Variants in GPC6 observed in about 807,000 individuals in gnomAD.
GPC6 encodes the protein glypican-6.
GPC6 carries 14 observed loss-of-function variants against 55.2 expected under a neutral mutation model. The observed-to-expected ratio is 0.25, with a 90% CI of 0.17 to 0.40. The LOEUF (loss-of-function observed/expected upper bound fraction) is 0.40, where lower values mean the gene tolerates loss of function less well. Among genes scored for constraint, GPC6 ranks in the 10% least tolerant of loss-of-function variants. GPC6 has a pLI of 1.00. For missense variants in GPC6, 641 were observed against 708.5 expected, an observed-to-expected ratio of 0.90 and a Z score of 1.08; for synonymous variants, 278 against 259.6, an observed-to-expected ratio of 1.07 and a Z score of -0.68.
intron 1 of GPC6, among the ~76,000 whole-genome samples, chr13:93,313,508 T>A (rs1317987532): frequency 6.6e-6 from 1 of 152,192 alleles, no homozygotes; most frequent in African/African-American, 2.4e-5. Flanking sequence ...GTGTTCATTT[T>A]AAATATGCTT....
intron 3 of GPC6, among the ~76,000 whole-genome samples, chr13:93,982,828 T>C (rs911521695): frequency 1.3e-5 from 2 of 152,278 alleles, no homozygotes; most frequent in Non-Finnish European, 2.9e-5. Context: ...CCTTTCTGTT[T>C]CTAGGGTCAG....
chr13:93,655,798 G>A (rs977685332), intron 2 of GPC6, among the ~76,000 whole-genome samples: 10 of 152,068 alleles, frequency 6.6e-5, no homozygotes, highest in Non-Finnish European at 1.5e-5. Flanking sequence ...AATGAAATAG[G>A]GAACTTGGCT....
chr13:93,912,612 G>A (rs192761716), intron 3 of GPC6, among the ~76,000 whole-genome samples: 176 of 152,188 alleles, frequency 1.2e-3, no homozygotes, highest in Admixed American at 1.8e-3. Flanking sequence ...GTGTGGTGGC[G>A]GGCGCCTGTA....
intron 4 of GPC6, among the ~76,000 whole-genome samples, chr13:94,272,731 G>A (rs546077440): frequency 1.3e-5 from 2 of 152,184 alleles, no homozygotes; most frequent in Admixed American, 6.5e-5. Context: ...GCCTCCCAAA[G>A]TGCTGGGATT....
intron 8 of GPC6, among the ~76,000 whole-genome samples, chr13:94,401,963 T>A (rs1411226526): frequency 6.6e-6 from 1 of 152,056 alleles, no homozygotes; most frequent in Non-Finnish European, 1.5e-5. Flanking sequence ...GATAGATAGA[T>A]AGATAGATAA....
intron 3 of GPC6, among the ~76,000 whole-genome samples, chr13:94,021,968 A>G (rs575344932): frequency 6.6e-6 from 1 of 152,028 alleles, no homozygotes; most frequent in South Asian, 2.1e-4. Context: ...TTCAAAATAA[A>G]TTTTACTGTG....
At chr13:94,309,950 A>G (rs1413551089) in intron 6 of GPC6, among the ~76,000 whole-genome samples, 4 of 152,160 alleles carry the variant, frequency 2.6e-5, no homozygotes, top group Admixed American at 2.0e-4. Context: ...TTTATTCTTA[A>G]ATGTGTACTC....
At chr13:93,355,242 A>C (rs1034607785) in intron 1 of GPC6, among the ~76,000 whole-genome samples, 3 of 152,230 alleles carry the variant, frequency 2.0e-5, no homozygotes, top group Admixed American at 6.5e-5. Context: ...TCGGGGGATA[A>C]ATAGCCATTT....
intron 3 of GPC6, among the ~76,000 whole-genome samples, chr13:93,979,317 G>T (rs201508490): frequency 1.5e-3 from 194 of 131,914 alleles, no homozygotes; most frequent in African/African-American, 5.8e-3. Context: ...GTGTGTGTGT[G>T]TTTGTGTGTG....
chr13:93,221,550 T>G, the GPC6 span, among the ~76,000 whole-genome samples: 1 of 152,186 alleles, frequency 6.6e-6, no homozygotes, highest in Non-Finnish European at 1.5e-5. Flanking sequence ...AGATATAATT[T>G]TAATTGGTTT....
At chr13:94,157,718 A>G (rs1022405397) in intron 4 of GPC6, among the ~76,000 whole-genome samples, 3 of 152,120 alleles carry the variant, frequency 2.0e-5, no homozygotes, top group Non-Finnish European at 1.5e-5. Flanking sequence ...TGACTTGGGA[A>G]GTTCCCCCTA....
At chr13:94,094,927 A>G (rs1180652467) in intron 4 of GPC6, among the ~76,000 whole-genome samples, 1 of 152,134 alleles carries the variant, frequency 6.6e-6, no homozygotes, top group Admixed American at 6.5e-5. Context: ...TGTTTTTAGT[A>G]TGTCGTAAAT....
At chr13:94,250,498 T>C (rs769085928) in intron 4 of GPC6, among the ~76,000 whole-genome samples, 2 of 152,302 alleles carry the variant, frequency 1.3e-5, no homozygotes, top group Non-Finnish European at 2.9e-5. Context: ...ATGCATGTCT[T>C]TAGCAATTAT....
chr13:93,219,512 AC>A, the GPC6 span, among the ~76,000 whole-genome samples: 5,485 of 152,308 alleles, frequency 0.036, 133 homozygotes, highest in Non-Finnish European at 0.051. Flanking sequence ...TTATGGTATA[AC>A]AAGAAAACAA....
rs185548942 is a variant in GPC6, at chr13:93,919,920, G to C, written c.711+89375G>C. Among the ~76,000 whole-genome samples the C allele has an allele frequency of 6.3e-4, 96 of 152,296 alleles. 1 individual carries two copies. The East Asian group carries it at 0.017, about 26-fold the overall frequency. On this transcript the variant is annotated intron_variant, in intron 3 of 8. Coordinates refer to ENST00000377047, the MANE Select transcript of GPC6 (RefSeq NM_005708.5). ...GTAGACTTGCTTAGAAGCCTCTCGC[G>C]TAGACACGCACTCACTCCACAAACT... is the stretch of plus-strand genomic sequence containing the variant.
At chr13:93,591,254 G>A (rs1233456410) in intron 2 of GPC6, among the ~76,000 whole-genome samples, 1 of 151,866 alleles carries the variant, frequency 6.6e-6, no homozygotes, top group Non-Finnish European at 1.5e-5. Flanking sequence ...ATGAGGTCAG[G>A]ATATCGAGCC....
chr13:94,215,253 T>A (rs1890192112), intron 4 of GPC6, among the ~76,000 whole-genome samples: 1 of 152,168 alleles, frequency 6.6e-6, no homozygotes, highest in Non-Finnish European at 1.5e-5. Context: ...TGGCTGCATT[T>A]TTTTTTCTTG....
intron 1 of GPC6, among the ~76,000 whole-genome samples, chr13:93,295,435 G>A (rs778949612): frequency 1.3e-4 from 16 of 120,376 alleles, no homozygotes; most frequent in South Asian, 2.7e-4. Context: ...AGAAGAGATC[G>A]AAAAAGCAAG....
At chr13:93,928,243 G>A (rs1177257077) in intron 3 of GPC6, among the ~76,000 whole-genome samples, 4 of 152,230 alleles carry the variant, frequency 2.6e-5, no homozygotes, top group South Asian at 2.1e-4. Context: ...AAACTGTATT[G>A]TAAAATAAAA....
Sources: allele counts gnomAD v4.1 joint callset (sites outside exome capture counted in the v4.1 genomes callset), GRCh38; gene constraint gnomAD v4.1.1; transcripts MANE v1.5; gene names NCBI Gene and HGNC (gene_info 2026-07-23, HGNC 2026-07-21).